Variants in RBL2 observed in about 807,000 individuals in gnomAD.
The protein encoded by RBL2 is retinoblastoma-like protein 2.
RBL2 carries 56 observed loss-of-function variants against 126.0 expected under a neutral mutation model. The observed-to-expected ratio is 0.44, with a 90% CI of 0.36 to 0.56. The LOEUF (loss-of-function observed/expected upper bound fraction) is 0.56, where lower values mean the gene tolerates loss of function less well. Among genes scored for constraint, RBL2 ranks in the 20% least tolerant of loss-of-function variants. The probability of loss-of-function intolerance (pLI) is 0.00; values close to 1 mark genes in which losing one functional copy is unlikely to be tolerated. For missense variants in RBL2, 1,229 were observed against 1,398.2 expected (o/e 0.88, Z 1.93); for synonymous variants, 454 against 478.5 (o/e 0.95, Z 0.67).
intron 21 of RBL2, among the ~76,000 whole-genome samples, chr16:53,486,000 C>T (rs549137673): frequency 7.4e-4 from 112 of 151,494 alleles, no homozygotes; most frequent in South Asian, 1.7e-3. Flanking sequence ...TAAAGAACAA[C>T]GTAATGCCAG....
In RBL2 at chr16:53,462,613, T is replaced by C. The variant is rs1046038254; in HGVS notation, c.1518T>C (p.Val506=). Residue 506 remains valine (V), a synonymous_variant, in exon 11 of 22, where the codon GTT becomes GTC. Coordinates refer to ENST00000262133, the MANE Select transcript of RBL2 (RefSeq NM_005611.4). ...EMLYYKVLES[V]IEQEQKRLGD... is the part of the protein sequence containing the mutation. Reference sequence around the variant, plus strand: ...TTTACTATAAAGTATTAGAATCTGTTATTGAGCAGGAACAAAAAAGACTAG... The same window carrying C: ...TTTACTATAAAGTATTAGAATCTGTCATTGAGCAGGAACAAAAAAGACTAG... 6.3e-6 allele frequency: 10 copies of C among 1,575,694 alleles called. No individual in the cohort carries two copies. Among genetic ancestry groups the C allele is most frequent in the African/African-American group, 1.4e-5 (1 of 71,936 alleles).
intron 15 of RBL2, 44 bp from the exon 16 acceptor site, chr16:53,470,339 C>T (rs755279935): frequency 6.3e-7 from 1 of 1,596,208 alleles, no homozygotes; most frequent in Non-Finnish European, 8.6e-7. Flanking sequence ...CGGAGAACCT[C>T]TTATTATCAA....
intron 5 of RBL2, among the ~76,000 whole-genome samples, chr16:53,452,501 A>C (rs923000742): frequency 6.6e-6 from 1 of 152,194 alleles, no homozygotes; most frequent in Non-Finnish European, 1.5e-5. Flanking sequence ...CAGCTTGTCT[A>C]TCAAGGTAGA....
chr16:53,478,263 CT>C (rs1480034515), intron 17 of RBL2, among the ~76,000 whole-genome samples: 1 of 152,016 alleles, frequency 6.6e-6, no homozygotes, highest in Non-Finnish European at 1.5e-5. Flanking sequence ...TTAATATTTT[CT>C]TTCTTTGGCT....
rs780508036 is a variant in RBL2 at position 53,453,535 on chromosome 16, G to T, written c.850G>T (p.Asp284Tyr). The change falls in exon 6 of 22, where the codon GAT becomes TAT. Residue 284 changes from aspartate (D) to tyrosine (Y), a missense_variant. Physicochemically the swap from Asp to Tyr is radical, Grantham distance 160. Around this residue, in one of 2 missense-constraint regions of RBL2, gnomAD observed 1,070 missense variants for 1,274.3 expected, o/e 0.84. Coordinates refer to ENST00000262133, the MANE Select transcript of RBL2 (RefSeq NM_005611.4). ...CIIEKLCSLH[D>Y]GLVLEAKGIK... Reference sequence around the variant, plus strand: ...CATTGAGAAACTGTGTTCCTTACATGATGGCCTAGTTTTGGAAGCAAAGGG... The same window carrying T: ...CATTGAGAAACTGTGTTCCTTACATTATGGCCTAGTTTTGGAAGCAAAGGG... The T allele has an allele frequency of 1.9e-6, 3 of 1,613,148 alleles. No individual in the cohort carries two copies. The highest frequency in any genetic ancestry group is 1.1e-5 in the South Asian group (1 of 91,044).
chr16:53,434,634 G>C lies in RBL2; in HGVS notation c.78G>C (p.Glu26Asp), dbSNP rs781349384. 2.6e-6 allele frequency: 4 copies of C among 1,564,448 alleles called. No homozygotes were observed. In the African/African-American group the frequency reaches 5.5e-5, roughly 21 times the overall value. ...PAAAASDEEE[E>D]DDGEAEDAAP... ...CGGCAGCCTCGGATGAGGAGGAGGA[G>C]GACGACGGCGAGGCGGAAGACGCCG... Residue 26 changes from glutamate to aspartate, a missense_variant, in exon 1 of 22, where the codon GAG (glutamate) becomes GAC (aspartate). This residue lies in a region of RBL2 where 159 missense variants were observed against 123.9 expected (regional missense o/e 1.28). Coordinates refer to ENST00000262133, the MANE Select transcript of RBL2 (RefSeq NM_005611.4).
intron 1 of RBL2, among the ~76,000 whole-genome samples, chr16:53,436,535 G>A (rs2057960126): frequency 6.6e-6 from 1 of 152,204 alleles, no homozygotes; most frequent in African/African-American, 2.4e-5. Context: ...ATATAGAGCA[G>A]CAAACCTGCT....
intron 17 of RBL2, among the ~76,000 whole-genome samples, chr16:53,477,057 T>TTTTG (rs1555569521): frequency 6.6e-6 from 1 of 150,942 alleles, no homozygotes; most frequent in Non-Finnish European, 1.5e-5. Context: ...TGGTTTCATT[T>TTTTG]TGTGTGTGTG....
intron 1 of RBL2, among the ~76,000 whole-genome samples, chr16:53,437,052 C>CT (rs111637343): frequency 0.053 from 7,786 of 146,090 alleles, 584 homozygotes; most frequent in African/African-American, 0.17. Flanking sequence ...TATTTTTTTT[C>CT]TTTTTTTTTT....
intron 8 of RBL2, 38 bp downstream of exon 8, chr16:53,454,880 G>C: frequency 6.6e-7 from 1 of 1,507,678 alleles, no homozygotes; most frequent in South Asian, 1.3e-5. Flanking sequence ...AAATACAGGA[G>C]CAGGTAAGCC....
intron 12 of RBL2, 107 bp from the exon 13 acceptor site, chr16:53,465,331 G>A (rs1003142362): frequency 8.8e-5 from 57 of 648,064 alleles, no homozygotes; most frequent in Admixed American, 1.7e-4. Context: ...AAGGAAGAGC[G>A]GCTGTTTCAA....
chr16:53,472,841 G>A (rs190501471), intron 17 of RBL2, among the ~76,000 whole-genome samples: 249 of 152,256 alleles, frequency 1.6e-3, no homozygotes, highest in Middle Eastern at 6.8e-3. Flanking sequence ...TTATCTCATA[G>A]TTAGGTCTTT....
Position 53,478,981 on chromosome 16 carries a change from T to C in RBL2, c.2704-173T>C, listed in dbSNP as rs1449803577. On this transcript the variant is annotated intron_variant, in intron 17 of 21. Transcript: ENST00000262133. Reference sequence around the variant, plus strand: ...TGTTTTTATTGAATTTTAATAGATATTCTTGAATCGATGTATCTTCATTTG... The same window carrying C: ...TGTTTTTATTGAATTTTAATAGATACTCTTGAATCGATGTATCTTCATTTG... 7 of 595,512 alleles carry C rather than the reference T, an allele frequency of 1.2e-5. 1 individual carries two copies. In the African/African-American group the frequency reaches 1.3e-4, roughly 11 times the overall value. The allele number at this position is 595,512 out of a possible 1,614,324, so 36.9% of individuals were successfully genotyped here. A position where few individuals can be genotyped will look rare whatever the true frequency, so the allele number is the denominator to read the frequency against.
Position 53,462,558 on chromosome 16 carries a change from C to T in RBL2, c.1463C>T (p.Ala488Val). The change falls in exon 11 of 22, where the codon GCC becomes GTC. Residue 488 changes from alanine (A) to valine (V), a missense_variant. Transcript: ENST00000262133. ...TTTTTTATTATTTCTACAGAAATTG[C>T]CAGCAAACATTTTCGTTTTGCGGAG... is the stretch of plus-strand genomic sequence containing the variant. The part of the protein sequence containing the change: ...EDFSNCAKEI[A>V]SKHFRFAEML... 4 of 1,536,466 alleles carry T rather than the reference C, an allele frequency of 2.6e-6. No homozygotes were observed. Among genetic ancestry groups the T allele is most frequent in the Non-Finnish European group, 3.5e-6 (4 of 1,147,154 alleles).
Position 53,470,436 on chromosome 16 carries a change from G to T in RBL2, c.2299G>T (p.Gly767Trp). 6.2e-7 allele frequency: 1 copy of T among 1,614,102 alleles called. No individual in the cohort carries two copies. The highest frequency in any genetic ancestry group is 2.2e-5 in the East Asian group (1 of 44,868). The change falls in exon 16 of 22, where the codon GGG becomes TGG. Residue 767 changes from glycine (G) to tryptophan (W), a missense_variant. Coordinates refer to ENST00000262133, the MANE Select transcript of RBL2 (RefSeq NM_005611.4). ...ATTCTTCCCTGTCCAAGTCAATGTTGGGGGGCAGGCACAAGCTGTGACAGG... is the reference window on the plus strand; with the variant it reads ...ATTCTTCCCTGTCCAAGTCAATGTTTGGGGGCAGGCACAAGCTGTGACAGG... ...ITFFPVQVNV[G>W]GQAQAVTGSI...
chr16:53,452,726 G>A (rs1309424391), intron 5 of RBL2, among the ~76,000 whole-genome samples: 2 of 152,068 alleles, frequency 1.3e-5, no homozygotes, highest in South Asian at 4.1e-4. Flanking sequence ...GGATGCAGTG[G>A]TGCAATCACA....
At chr16:53,441,698 T>TA (rs1404040581) in intron 2 of RBL2, among the ~76,000 whole-genome samples, 1 of 152,180 alleles carries the variant, frequency 6.6e-6, no homozygotes, top group African/African-American at 2.4e-5. Context: ...TGTGTATGTG[T>TA]AGTAAGTGTG....
Position 53,488,513 on chromosome 16 carries a change from T to C in RBL2, c.3250-1617T>C, listed in dbSNP as rs1961264419. Reference sequence around the variant, plus strand: ...TTAGACTCTTGGTTGGAGAAAGATTTGTCATCTTGACGTAATAGGTGATAG... The same window carrying C: ...TTAGACTCTTGGTTGGAGAAAGATTCGTCATCTTGACGTAATAGGTGATAG... On this transcript the variant is annotated intron_variant, in intron 21 of 21. Coordinates refer to ENST00000262133, the MANE Select transcript of RBL2 (RefSeq NM_005611.4). 3.3e-5 allele frequency: 5 copies of C among 152,318 alleles called. No individual in the cohort carries two copies. In the South Asian group the frequency reaches 1.0e-3, roughly 32 times the overall value. 9.4% of individuals were successfully genotyped at this position (152,318 alleles called of 1,614,324 possible).
chr16:53,477,746 T>C (rs1156401399), intron 17 of RBL2, among the ~76,000 whole-genome samples: 2 of 152,188 alleles, frequency 1.3e-5, no homozygotes, highest in Non-Finnish European at 2.9e-5. Context: ...CTTTGTACTG[T>C]TGTAGGCAAA....
Sources: gnomAD v4.1 joint callset for allele counts (sites outside exome capture counted in the v4.1 genomes callset) on GRCh38, gnomAD v4.1.1 for gene constraint, gnomAD v4.1.1 regional missense constraint, MANE v1.5 for transcripts, NCBI Gene and HGNC (gene_info 2026-07-23, HGNC 2026-07-21) for gene names.